The following KAZN variants were observed in gnomAD, a reference collection of about 807,000 sequenced individuals.
The protein encoded by KAZN is kazrin, periplakin interacting protein, also known as kazrin.
A neutral mutation model predicts 87.4 loss-of-function variants in KAZN; 40 were observed. The observed-to-expected ratio is 0.46, with a 90% confidence interval of 0.36 to 0.60. KAZN has a LOEUF of 0.60. KAZN is among the 20% of genes least tolerant of loss of function. The pLI is 0.00. For missense variants in KAZN, 898 were observed against 1,073.9 expected, an observed-to-expected ratio of 0.84 and a Z score of 2.29; for synonymous variants, 466 against 458.3, an observed-to-expected ratio of 1.02 and a Z score of -0.22.
intron 1 of KAZN, among the ~76,000 whole-genome samples, chr1:14,010,451 G>A (rs577867234): frequency 6.6e-6 from 1 of 152,322 alleles, no homozygotes; most frequent in African/African-American, 2.4e-5. Context: ...GGATGCCAGC[G>A]ATGAAGCAGT....
chr1:14,262,603 C>T (rs920263001), intron 2 of KAZN, among the ~76,000 whole-genome samples: 7 of 152,134 alleles, frequency 4.6e-5, no homozygotes, highest in South Asian at 2.1e-4. Flanking sequence ...GAACACTGTC[C>T]GATGTCATTT....
intron 1 of KAZN, among the ~76,000 whole-genome samples, chr1:13,917,250 A>G (rs1449744296): frequency 6.6e-6 from 1 of 152,248 alleles, no homozygotes; most frequent in Admixed American, 6.5e-5. Context: ...GCAGCAAGTT[A>G]TCCAGAATAT....
intron 1 of KAZN, among the ~76,000 whole-genome samples, chr1:14,150,002 A>G (rs1198558458): frequency 1.3e-5 from 2 of 152,236 alleles, no homozygotes; most frequent in African/African-American, 4.8e-5. Flanking sequence ...CATACTAGTC[A>G]TAACGCAACA....
chr1:14,473,641 A>C (rs1156268345), intron 2 of KAZN, among the ~76,000 whole-genome samples: 2 of 148,052 alleles, frequency 1.4e-5, no homozygotes, highest in Admixed American at 6.7e-5. Flanking sequence ...CTGTCTCAAA[A>C]AAAAAAAAAA....
chr1:14,514,625 A>G (rs1221346268), intron 2 of KAZN, among the ~76,000 whole-genome samples: 2 of 86,026 alleles, frequency 2.3e-5, no homozygotes, highest in African/African-American at 9.9e-5. Context: ...ATATATATAT[A>G]TATATATATA....
chr1:14,880,264 C>A (rs1312771889), intron 1 of KAZN, among the ~76,000 whole-genome samples: 3 of 152,092 alleles, frequency 2.0e-5, no homozygotes, highest in East Asian at 3.9e-4. Flanking sequence ...CCTGCAATAA[C>A]CCTCTGAGAC....
At chr1:15,034,298 C>T (rs1672027392) in intron 2 of KAZN, among the ~76,000 whole-genome samples, 1 of 152,174 alleles carries the variant, frequency 6.6e-6, no homozygotes, top group Non-Finnish European at 1.5e-5. Context: ...TAATACTTCT[C>T]CCCACGGAAG....
intron 1 of KAZN, among the ~76,000 whole-genome samples, chr1:14,174,119 CTG>C (rs556963743): frequency 3.9e-5 from 6 of 152,158 alleles, no homozygotes; most frequent in African/African-American, 9.7e-5. Context: ...CAGGTTGTAA[CTG>C]AGGGTACACA....
chr1:14,413,337 TC>T (rs903768895), intron 2 of KAZN, among the ~76,000 whole-genome samples: 1 of 152,020 alleles, frequency 6.6e-6, no homozygotes, highest in African/African-American at 2.4e-5. Flanking sequence ...ACGCCTGTAA[TC>T]CCAGCACTTT....
intron 2 of KAZN, among the ~76,000 whole-genome samples, chr1:14,393,404 T>A (rs2101099320): frequency 6.6e-6 from 1 of 152,296 alleles, no homozygotes; most frequent in African/African-American, 2.4e-5. Flanking sequence ...TAAAAATATT[T>A]AGGTCACGAA....
intron 2 of KAZN, among the ~76,000 whole-genome samples, chr1:14,457,386 G>T (rs993326812): frequency 1.3e-5 from 2 of 152,024 alleles, no homozygotes; most frequent in African/African-American, 4.8e-5. Context: ...TTCTTGATTA[G>T]TAGAAGTTAT....
chr1:14,790,391 A>T (rs1316810370), intron 1 of KAZN, among the ~76,000 whole-genome samples: 3 of 152,158 alleles, frequency 2.0e-5, no homozygotes, highest in African/African-American at 4.8e-5. Context: ...TTTGCAATAT[A>T]ATAATTCATT....
At chr1:14,293,303 A>G (rs894366373) in intron 2 of KAZN, among the ~76,000 whole-genome samples, 5 of 152,176 alleles carry the variant, frequency 3.3e-5, no homozygotes, top group Admixed American at 1.3e-4. Flanking sequence ...GAATGATGCA[A>G]ATTACTAAAA....
At chr1:14,427,653 AC>A (rs1665816137) in intron 2 of KAZN, among the ~76,000 whole-genome samples, 1 of 152,136 alleles carries the variant, frequency 6.6e-6, no homozygotes, top group Admixed American at 6.5e-5. Flanking sequence ...TAGTAAAAAT[AC>A]CAAGTATAAT....
chr1:14,968,257 C>T (rs1303862585), intron 2 of KAZN, among the ~76,000 whole-genome samples: 1 of 152,150 alleles, frequency 6.6e-6, no homozygotes, highest in East Asian at 1.9e-4. Flanking sequence ...GCGCAGTTCA[C>T]AAGAGGGTTC....
At chr1:14,154,419 A>G (rs1246146239) in intron 1 of KAZN, among the ~76,000 whole-genome samples, 1 of 152,150 alleles carries the variant, frequency 6.6e-6, no homozygotes, top group African/African-American at 2.4e-5. Flanking sequence ...TTTTTTCCCA[A>G]TATAAGATCA....
intron 1 of KAZN, among the ~76,000 whole-genome samples, chr1:14,080,810 A>T (rs1043341123): frequency 1.3e-5 from 2 of 152,182 alleles, no homozygotes; most frequent in African/African-American, 4.8e-5. Flanking sequence ...CCAGGTAATG[A>T]TTTGTCATTA....
intron 2 of KAZN, among the ~76,000 whole-genome samples, chr1:15,032,098 TC>T (rs1241477561): frequency 6.9e-6 from 1 of 144,394 alleles, no homozygotes; most frequent in Non-Finnish European, 1.5e-5. Flanking sequence ...CACCCCTCCC[TC>T]CCCGATCCAC....
chr1:14,899,781 C>T (rs1008195716), intron 1 of KAZN, among the ~76,000 whole-genome samples: 11 of 152,176 alleles, frequency 7.2e-5, no homozygotes, highest in African/African-American at 2.7e-4. Context: ...CCACTGCCAC[C>T]TCCGCTCCCT....
Sources: gnomAD v4.1 joint callset for allele counts (sites outside exome capture counted in the v4.1 genomes callset) on GRCh38, gnomAD v4.1.1 for gene constraint, MANE v1.5 for transcripts, NCBI Gene and HGNC (gene_info 2026-07-23, HGNC 2026-07-21) for gene names.